EYS: variants seen among roughly 807,000 people sequenced by gnomAD.
The protein encoded by EYS is protein eyes shut homolog.
A neutral mutation model predicts 282.1 loss-of-function variants in EYS; 250 were observed. That is an observed-to-expected ratio of 0.89 (90% CI 0.80 to 0.98). The LOEUF (loss-of-function observed/expected upper bound fraction) is 0.98, where lower values mean the gene tolerates loss of function less well. Among genes scored for constraint, EYS ranks in the 50% least tolerant of loss-of-function variants. The pLI, the probability that EYS is intolerant of heterozygous loss-of-function variation, is 0.00. For synonymous variants in EYS, 1,355 were observed against 1,282.9 expected (o/e 1.06, Z -1.20); for missense variants, 4,016 against 3,709.0 (o/e 1.08, Z -2.15).
At chr6:63,948,719 G>A (rs1006962530) in intron 35 of EYS, among the ~76,000 whole-genome samples, 2 of 151,652 alleles carry the variant, frequency 1.3e-5, no homozygotes, top group Admixed American at 6.6e-5. Context: ...TATTAACTTG[G>A]TTCCAAACCA....
chr6:65,261,896 T>C (rs893136119), intron 12 of EYS, among the ~76,000 whole-genome samples: 4 of 152,094 alleles, frequency 2.6e-5, no homozygotes, highest in African/African-American at 9.6e-5. Flanking sequence ...AGCACCACGA[T>C]ATTATTTGAA....
At chr6:63,771,817 A>G (rs1312730992) in intron 40 of EYS, among the ~76,000 whole-genome samples, 2 of 152,090 alleles carry the variant, frequency 1.3e-5, no homozygotes, top group Admixed American at 1.3e-4. Flanking sequence ...TAAAATCTAC[A>G]CTCTTCAAAT....
chr6:64,608,119 C>T (rs1350253866), intron 24 of EYS, among the ~76,000 whole-genome samples: 1 of 152,096 alleles, frequency 6.6e-6, no homozygotes, highest in African/African-American at 2.4e-5. Context: ...TTGCATTCAA[C>T]AGACTGTTCC....
At chr6:65,539,685 T>C (rs1020113768) in intron 2 of EYS, among the ~76,000 whole-genome samples, 8 of 152,232 alleles carry the variant, frequency 5.3e-5, no homozygotes, top group Non-Finnish European at 1.0e-4. Context: ...TATCACGGTC[T>C]GATGAAGCTT....
chr6:64,776,886 T>C (rs1054108298), intron 22 of EYS, among the ~76,000 whole-genome samples: 5 of 152,138 alleles, frequency 3.3e-5, no homozygotes, highest in African/African-American at 9.7e-5. Context: ...TATGTTAGTT[T>C]ATTCTCATGC....
At chr6:64,472,638 A>C (rs1407645435) in intron 26 of EYS, among the ~76,000 whole-genome samples, 1 of 152,132 alleles carries the variant, frequency 6.6e-6, no homozygotes, top group South Asian at 2.1e-4. Flanking sequence ...ATTTAGAAAA[A>C]CGATGTATTA....
chr6:65,053,639 T>C (rs1773336906), intron 13 of EYS, among the ~76,000 whole-genome samples: 2 of 151,844 alleles, frequency 1.3e-5, no homozygotes, highest in South Asian at 4.1e-4. Context: ...GCAAATGTTT[T>C]CTATAGAGGA....
intron 11 of EYS, chr6:65,331,663 A>G (rs1281789068): frequency 1.0e-6 from 1 of 979,842 alleles, no homozygotes; most frequent in African/African-American, 1.8e-5. Flanking sequence ...AAAGGAAATA[A>G]CATCACAAAA....
rs1291994919 is a variant in EYS, at chr6:64,439,084, T to C, written c.5835+78A>G. On this transcript the variant is annotated intron_variant, in intron 27 of 42. Coordinates refer to ENST00000503581, the MANE Select transcript of EYS (RefSeq NM_001142800.2). ...TATATAGAGTTAAGTTTAAATTTTA[T>C]TTTGAAAATAACCAATGAAGCACAT... The C allele has an allele frequency of 2.5e-5, 19 of 766,692 alleles. No homozygotes were observed. In the East Asian group the frequency reaches 4.4e-4, roughly 18 times the overall value. The allele number at this position is 766,692 out of a possible 1,614,324, so 47.5% of individuals were successfully genotyped here.
chr6:63,914,250 A>G (rs1764357821), intron 35 of EYS, among the ~76,000 whole-genome samples: 2 of 152,218 alleles, frequency 1.3e-5, no homozygotes, highest in South Asian at 4.1e-4. Flanking sequence ...AACTGTCCAA[A>G]TCACTTTAAA....
chr6:64,036,364 G>A (rs143875782), intron 33 of EYS, among the ~76,000 whole-genome samples: 355 of 152,116 alleles, frequency 2.3e-3, no homozygotes, highest in East Asian at 5.0e-3. Context: ...AATAATTTTG[G>A]GTATAGAATA....
intron 19 of EYS, among the ~76,000 whole-genome samples, chr6:64,879,760 T>C (rs1473125223): frequency 6.6e-6 from 1 of 152,060 alleles, no homozygotes; most frequent in Non-Finnish European, 1.5e-5. Flanking sequence ...GATATAACTA[T>C]GTGGGGAGGA....
rs1768906206 is a variant in EYS, at chr6:64,936,349, G to A, written c.2381+9444C>T. 7.3e-5 allele frequency among the ~76,000 whole-genome samples: 11 copies of A among 151,546 alleles called. No homozygotes were observed. In the South Asian group the frequency reaches 2.3e-3, roughly 31 times the overall value. The stretch of plus-strand genomic sequence containing the variant: ...ATCTACAGCTAACATCATACTTTAT[G>A]GTGAAAGACTGCTTGATTTTCTTTT... On this transcript the variant is annotated intron_variant, in intron 15 of 42. Coordinates refer to ENST00000503581, the MANE Select transcript of EYS (RefSeq NM_001142800.2).
chr6:64,452,646 G>T (rs1051177586), intron 26 of EYS, among the ~76,000 whole-genome samples: 1 of 152,062 alleles, frequency 6.6e-6, no homozygotes, highest in African/African-American at 2.4e-5. Context: ...GCATGGTACT[G>T]GTACCAAAAC....
intron 2 of EYS, among the ~76,000 whole-genome samples, chr6:65,603,321 A>C (rs1157569668): frequency 6.6e-6 from 1 of 151,932 alleles, no homozygotes. Context: ...CAAAAACAAA[A>C]AAGATTCACA....
chr6:63,978,949 T>A (rs968951848), intron 35 of EYS, among the ~76,000 whole-genome samples: 1 of 151,946 alleles, frequency 6.6e-6, no homozygotes, highest in East Asian at 1.9e-4. Context: ...GAAACTCACC[T>A]CTGTTCACAT....
intron 22 of EYS, among the ~76,000 whole-genome samples, chr6:64,683,593 A>G (rs1193282355): frequency 6.6e-6 from 1 of 152,176 alleles, no homozygotes; most frequent in African/African-American, 2.4e-5. Context: ...AATAAAATGG[A>G]GTCTAGATGT....
intron 34 of EYS, among the ~76,000 whole-genome samples, chr6:63,995,270 A>T (rs1582098179): frequency 2.6e-5 from 4 of 152,216 alleles, no homozygotes; most frequent in South Asian, 4.1e-4. Flanking sequence ...TCCAAATAAG[A>T]CATACAAATG....
intron 26 of EYS, among the ~76,000 whole-genome samples, chr6:64,449,124 T>A (rs190182227): frequency 1.3e-5 from 2 of 152,058 alleles, no homozygotes; most frequent in Admixed American, 6.6e-5. Flanking sequence ...ATTAGACGAA[T>A]GGATAACTAG....
Sources: gnomAD v4.1 joint callset for allele counts (sites outside exome capture counted in the v4.1 genomes callset) on GRCh38, gnomAD v4.1.1 for gene constraint, MANE v1.5 for transcripts, NCBI Gene and HGNC (gene_info 2026-07-23, HGNC 2026-07-21) for gene names.